SNX29: variants seen among roughly 807,000 people sequenced by gnomAD.
SNX29 encodes sorting nexin-29.
In SNX29, 78 loss-of-function variants were observed where a neutral mutation model predicts 102.1. The ratio of observed to expected loss-of-function variants is 0.76; its 90% CI spans 0.64 to 0.92. The LOEUF is 0.92. Among genes scored for constraint, SNX29 ranks in the 40% least tolerant of loss-of-function variants. SNX29 has a pLI of 0.00. For missense variants in SNX29, 1,280 were observed against 1,061.7 expected (o/e 1.21, Z -2.86); for synonymous variants, 580 against 414.5 (o/e 1.40, Z -4.85).
At chr16:12,518,571 A>T (rs1263568180) in intron 19 of SNX29, among the ~76,000 whole-genome samples, 1 of 152,108 alleles carries the variant, frequency 6.6e-6, no homozygotes, top group African/African-American at 2.4e-5. Context: ...CCCTCCTGCA[A>T]ACGTAGATAT....
chr16:12,123,800 G>T (rs2054085376), intron 11 of SNX29, among the ~76,000 whole-genome samples: 1 of 152,178 alleles, frequency 6.6e-6, no homozygotes, highest in Admixed American at 6.5e-5. Flanking sequence ...TCTGGAAAGG[G>T]CTGGACAGTA....
At chr16:12,558,150 C>T (rs978623980) in intron 20 of SNX29, among the ~76,000 whole-genome samples, 1 of 152,184 alleles carries the variant, frequency 6.6e-6, no homozygotes. Flanking sequence ...CCTTTCCATC[C>T]TTAGCAAGTT....
chr16:12,313,552 C>T lies in SNX29; in HGVS notation c.1782+35516C>T, dbSNP rs927599604. On this transcript the variant is annotated intron_variant, in intron 15 of 20. Transcript: ENST00000566228. ...TGCCAGTATGAACTGGGGCAGCCTC[C>T]GTCAGCCCTCTTGTGGAATTCCATC... 3.3e-5 allele frequency among the ~76,000 whole-genome samples: 5 copies of T among 152,204 alleles called. 1 individual carries two copies. Among genetic ancestry groups the T allele is most frequent in the South Asian group, 4.1e-4 (2 of 4,822 alleles).
intron 2 of SNX29, chr16:12,000,188 A>G (rs1019030374): frequency 6.5e-6 from 1 of 153,296 alleles, no homozygotes; most frequent in Non-Finnish European, 1.5e-5. Context: ...TGAGACTGGA[A>G]TCTGCTTGCC....
At chr16:12,137,705 A>T (rs2054713018) in intron 13 of SNX29, among the ~76,000 whole-genome samples, 1 of 152,218 alleles carries the variant, frequency 6.6e-6, no homozygotes, top group Non-Finnish European at 1.5e-5. Context: ...CCTTTGTAAA[A>T]AAGGACAGTA....
chr16:12,561,366 A>C (rs948946947), intron 20 of SNX29, among the ~76,000 whole-genome samples: 2 of 152,138 alleles, frequency 1.3e-5, no homozygotes, highest in Non-Finnish European at 2.9e-5. Flanking sequence ...TGAGGGAGCT[A>C]GGTCGTGGAA....
At chr16:12,436,141 G>A (rs2085528029) in intron 18 of SNX29, among the ~76,000 whole-genome samples, 1 of 152,138 alleles carries the variant, frequency 6.6e-6, no homozygotes, top group Non-Finnish European at 1.5e-5. Flanking sequence ...TTTCCAAAGG[G>A]GATTAAAGCT....
chr16:12,462,953 C>T (rs2086873250), intron 18 of SNX29, among the ~76,000 whole-genome samples: 1 of 152,172 alleles, frequency 6.6e-6, no homozygotes, highest in Non-Finnish European at 1.5e-5. Context: ...ATCGCTGGAT[C>T]CCCCAGCAGC....
chr16:12,279,451 A>G (rs1447183488), intron 15 of SNX29, among the ~76,000 whole-genome samples: 1 of 152,248 alleles, frequency 6.6e-6, no homozygotes, highest in Non-Finnish European at 1.5e-5. Flanking sequence ...GGATGAGTCA[A>G]AAGCCAGGCT....
chr16:12,565,747 G>A (rs1472157434), intron 20 of SNX29, among the ~76,000 whole-genome samples: 4 of 152,122 alleles, frequency 2.6e-5, no homozygotes, highest in Non-Finnish European at 2.9e-5. Context: ...CCCTCCCCAT[G>A]GGCCTGCCAC....
intron 20 of SNX29, among the ~76,000 whole-genome samples, chr16:12,532,002 G>A (rs2076944742): frequency 1.3e-5 from 2 of 152,166 alleles, no homozygotes; most frequent in African/African-American, 2.4e-5. Context: ...AATCCACAGC[G>A]ACAGAGGAGA....
chr16:12,310,283 C>T (rs1208071253), intron 15 of SNX29, among the ~76,000 whole-genome samples: 4 of 152,226 alleles, frequency 2.6e-5, no homozygotes, highest in African/African-American at 9.6e-5. Context: ...AGATAATACT[C>T]CAGCTTCAAA....
At chr16:12,272,636 A>T (rs957788667) in intron 14 of SNX29, among the ~76,000 whole-genome samples, 1 of 152,110 alleles carries the variant, frequency 6.6e-6, no homozygotes, top group East Asian at 1.9e-4. Context: ...GTTTACACAT[A>T]ATTTTGTTTG....
intron 3 of SNX29, among the ~76,000 whole-genome samples, chr16:12,026,761 A>C (rs1271300595): frequency 6.6e-6 from 1 of 152,230 alleles, no homozygotes; most frequent in Non-Finnish European, 1.5e-5. Flanking sequence ...AATCTCATAT[A>C]ATCTCTTTAG....
chr16:12,426,096 T>TA (rs111310926), intron 18 of SNX29, among the ~76,000 whole-genome samples: 12 of 151,472 alleles, frequency 7.9e-5, no homozygotes, highest in African/African-American at 2.9e-4. Flanking sequence ...TTTTTTTTTT[T>TA]AAAAAGATAC....
chr16:12,223,556 C>T (rs576396901), intron 14 of SNX29, among the ~76,000 whole-genome samples: 7 of 152,146 alleles, frequency 4.6e-5, no homozygotes, highest in East Asian at 1.9e-4. Flanking sequence ...CCCAGCTACT[C>T]GGGAGGCTGA....
intron 20 of SNX29, among the ~76,000 whole-genome samples, chr16:12,549,139 T>G (rs1030041818): frequency 2.0e-5 from 3 of 151,916 alleles, no homozygotes; most frequent in African/African-American, 7.2e-5. Flanking sequence ...TGGGGTAGTT[T>G]TGATTTAGCA....
chr16:12,474,345 G>A (rs1257037182), intron 18 of SNX29, among the ~76,000 whole-genome samples: 1 of 152,150 alleles, frequency 6.6e-6, no homozygotes, highest in Non-Finnish European at 1.5e-5. Context: ...AGGTACCTAG[G>A]GAATATCACG....
intron 9 of SNX29, among the ~76,000 whole-genome samples, chr16:12,065,974 C>T (rs976513100): frequency 2.6e-5 from 4 of 152,154 alleles, no homozygotes; most frequent in East Asian, 1.9e-4. Context: ...AAGGATGAGA[C>T]GGTCTATGCT....
Sources: gnomAD v4.1 joint callset for allele counts (sites outside exome capture counted in the v4.1 genomes callset) on GRCh38, gnomAD v4.1.1 for gene constraint, MANE v1.5 for transcripts, NCBI Gene and HGNC (gene_info 2026-07-23, HGNC 2026-07-21) for gene names.